The following FNDC3A variants were observed in gnomAD, a reference collection of about 807,000 sequenced individuals.
FNDC3A encodes the protein fibronectin type-III domain-containing protein 3A.
Under a neutral mutation model 148.9 loss-of-function variants are expected in FNDC3A, and 32 were observed. That is an observed-to-expected ratio of 0.21 (90% CI 0.16 to 0.29). The LOEUF (loss-of-function observed/expected upper bound fraction) is 0.29, where lower values mean the gene tolerates loss of function less well. Ranked by LOEUF, FNDC3A falls within the 10% of genes least tolerant of loss-of-function variation. FNDC3A has a pLI of 1.00. For missense variants in FNDC3A, 1,191 were observed against 1,452.8 expected (o/e 0.82, Z 2.93); for synonymous variants, 472 against 473.6 (o/e 1.00, Z 0.04).
chr13:49,191,319 A>G lies in FNDC3A; in HGVS notation c.2161A>G (p.Thr721Ala). The G allele has an allele frequency of 6.2e-7, 1 of 1,613,280 alleles. No homozygotes were observed. Among genetic ancestry groups the G allele is most frequent in the African/African-American group, 1.3e-5 (1 of 75,030 alleles). Residue 721 changes from threonine (T) to alanine (A), a missense_variant, in exon 19 of 26, where the codon ACA becomes GCA. Thr to Ala is a moderately conservative substitution (Grantham distance 58). This residue lies in a region of FNDC3A where 751 missense variants were observed against 944.0 expected (regional missense o/e 0.80). Coordinates refer to ENST00000492622, the MANE Select transcript of FNDC3A (RefSeq NM_001079673.2). ...TTACCAAGGTTCTGAAGTAGAATGT[A>G]CAGTGAGCAGCCTTCTTCCTGGAAA... Reference protein sequence around the residue: ...EVYQGSEVECTVSSLLPGKTY... With the variant: ...EVYQGSEVECAVSSLLPGKTY...
chr13:49,022,012 G>A (rs1873364137), intron 2 of FNDC3A, among the ~76,000 whole-genome samples: 3 of 152,154 alleles, frequency 2.0e-5, no homozygotes, highest in Admixed American at 2.0e-4. Context: ...AAAGCCTGCT[G>A]GGTGAACAAT....
intron 7 of FNDC3A, among the ~76,000 whole-genome samples, chr13:49,142,626 G>C (rs1025410844): frequency 3.3e-5 from 5 of 152,088 alleles, no homozygotes; most frequent in Non-Finnish European, 7.3e-5. Context: ...ACAGAAAACA[G>C]CATTTTTAGA....
At chr13:49,096,970 AGATTAGAGGAAACGGAAAAACTGT>A (rs1879565331) in intron 3 of FNDC3A, among the ~76,000 whole-genome samples, 1 of 152,150 alleles carries the variant, frequency 6.6e-6, no homozygotes, top group Non-Finnish European at 1.5e-5. Context: ...AAGCACACAC[AGATTAGAGGAAACGGAAAAACTGT>A]GATTAGAGAG....
chr13:49,090,464 CG>C (rs1237380995), intron 3 of FNDC3A, among the ~76,000 whole-genome samples: 1 of 152,066 alleles, frequency 6.6e-6, no homozygotes, highest in Non-Finnish European at 1.5e-5. Context: ...TTGCACAGAT[CG>C]GGGGTCTGTG....
chr13:49,022,123 C>G (rs1354390210), intron 2 of FNDC3A, among the ~76,000 whole-genome samples: 1 of 152,112 alleles, frequency 6.6e-6, no homozygotes, highest in African/African-American at 2.4e-5. Flanking sequence ...CTTGAGGGCC[C>G]TCATCATTTT....
At chr13:49,095,978 C>T (rs1305333392) in intron 3 of FNDC3A, among the ~76,000 whole-genome samples, 4 of 152,074 alleles carry the variant, frequency 2.6e-5, no homozygotes, top group East Asian at 1.9e-4. Context: ...GATTTTTAGA[C>T]ACTACCTAGA....
chr13:49,150,387 A>G (rs567014057), intron 8 of FNDC3A, among the ~76,000 whole-genome samples: 16 of 152,104 alleles, frequency 1.1e-4, no homozygotes, highest in Non-Finnish European at 2.2e-4. Flanking sequence ...AAGCTTTTTA[A>G]TGTAGACATT....
intron 3 of FNDC3A, among the ~76,000 whole-genome samples, chr13:49,082,113 G>A (rs996947931): frequency 1.2e-4 from 19 of 152,064 alleles, no homozygotes; most frequent in Admixed American, 1.1e-3. Context: ...GGCCCAGCAC[G>A]GTGGCTCACG....
chr13:49,034,568 G>A (rs1158462233), intron 2 of FNDC3A, among the ~76,000 whole-genome samples: 1 of 151,920 alleles, frequency 6.6e-6, no homozygotes, highest in Non-Finnish European at 1.5e-5. Context: ...ATTCTAAATT[G>A]CAATATGAAA....
chr13:49,146,002 C>A, intron 8 of FNDC3A, 67 bp downstream of exon 8: 1 of 1,228,134 alleles, frequency 8.1e-7, no homozygotes, highest in Non-Finnish European at 1.1e-6. Context: ...GAGCTTATTA[C>A]TAATTTTGCT....
chr13:49,168,554 C>G, intron 9 of FNDC3A, 59 bp from the exon 10 acceptor site: 1 of 1,300,700 alleles, frequency 7.7e-7, no homozygotes, highest in South Asian at 1.4e-5. Context: ...AAAGGTGACA[C>G]TATTGAAAAC....
chr13:49,082,255 G>A (rs185275806), intron 3 of FNDC3A, among the ~76,000 whole-genome samples: 3 of 151,962 alleles, frequency 2.0e-5, no homozygotes, highest in South Asian at 2.1e-4. Context: ...ATGTGGTGGC[G>A]CAAACCTGTA....
intron 1 of FNDC3A, among the ~76,000 whole-genome samples, chr13:49,000,281 T>C (rs1000955371): frequency 2.6e-5 from 4 of 152,240 alleles, no homozygotes; most frequent in Admixed American, 2.6e-4. Flanking sequence ...TAATCCAAAT[T>C]CATTATTTTG....
chr13:48,978,915 T>C (rs1951650291), intron 1 of FNDC3A, among the ~76,000 whole-genome samples: 1 of 152,200 alleles, frequency 6.6e-6, no homozygotes, highest in African/African-American at 2.4e-5. Context: ...TGTGAGCTTT[T>C]ATAATTTTCT....
intron 2 of FNDC3A, among the ~76,000 whole-genome samples, chr13:49,059,154 G>T (rs138965269): frequency 3.7e-4 from 57 of 152,250 alleles, no homozygotes; most frequent in African/African-American, 1.2e-3. Flanking sequence ...AGGACAACTG[G>T]ATATCCGCAT....
At chr13:49,157,537 C>T (rs1355584536) in intron 8 of FNDC3A, among the ~76,000 whole-genome samples, 3 of 150,208 alleles carry the variant, frequency 2.0e-5, no homozygotes, top group East Asian at 2.0e-4. Flanking sequence ...AGTCATTCTC[C>T]ATCCAGCTTT....
At chr13:49,012,631 G>C (rs964486625) in intron 2 of FNDC3A, among the ~76,000 whole-genome samples, 1 of 152,116 alleles carries the variant, frequency 6.6e-6, no homozygotes, top group Non-Finnish European at 1.5e-5. Flanking sequence ...ATTGAGGGAA[G>C]AATTGGTGGC....
intron 1 of FNDC3A, among the ~76,000 whole-genome samples, chr13:49,001,814 T>G (rs1952130391): frequency 6.6e-6 from 1 of 152,186 alleles, no homozygotes; most frequent in Non-Finnish European, 1.5e-5. Flanking sequence ...CGAAACTTCA[T>G]TAGCAATTTT....
intron 1 of FNDC3A, among the ~76,000 whole-genome samples, chr13:48,979,869 G>A: frequency 6.6e-6 from 1 of 151,984 alleles, no homozygotes; most frequent in Admixed American, 6.6e-5. Flanking sequence ...TTTTTACATT[G>A]TTGTCTCAAG....
Sources: gnomAD v4.1 joint callset for allele counts (sites outside exome capture counted in the v4.1 genomes callset) on GRCh38, gnomAD v4.1.1 for gene constraint, gnomAD v4.1.1 regional missense constraint, MANE v1.5 for transcripts, NCBI Gene and HGNC (gene_info 2026-07-23, HGNC 2026-07-21) for gene names.